The following USP13 variants were observed in gnomAD, a reference collection of about 807,000 sequenced individuals.
USP13 encodes ubiquitin specific peptidase 13.
Under a neutral mutation model 107.8 loss-of-function variants are expected in USP13, and 68 were observed. The observed-to-expected ratio is 0.63, with a 90% CI of 0.52 to 0.77. The LOEUF (loss-of-function observed/expected upper bound fraction) is 0.77, where lower values mean the gene tolerates loss of function less well. Among genes scored for constraint, USP13 ranks in the 30% least tolerant of loss-of-function variants. The pLI, the probability that USP13 is intolerant of heterozygous loss-of-function variation, is 0.00. For synonymous variants in USP13, 377 were observed against 389.5 expected, an observed-to-expected ratio of 0.97 and a Z score of 0.38; for missense variants, 945 against 1,093.3, an observed-to-expected ratio of 0.86 and a Z score of 1.91.
At chr3:179,655,557 G>GTTTGTTTTTTTTTTTTTT (rs1560036520) in intron 1 of USP13, among the ~76,000 whole-genome samples, 2 of 80,678 alleles carry the variant, frequency 2.5e-5, no homozygotes, top group Non-Finnish European at 3.5e-5. Context: ...GGTTTTTTTT[G>GTTTGTTTTTTTTTTTTTT]TTTTGTTTTG....
chr3:179,766,513 T>G (rs1560080142), intron 19 of USP13, among the ~76,000 whole-genome samples: 1 of 152,190 alleles, frequency 6.6e-6, no homozygotes, highest in Admixed American at 6.5e-5. Context: ...AGTGGTCTCA[T>G]CCTTGATCAT....
At chr3:179,687,539 G>C (rs1711912791) in intron 2 of USP13, among the ~76,000 whole-genome samples, 1 of 151,268 alleles carries the variant, frequency 6.6e-6, no homozygotes, top group Non-Finnish European at 1.5e-5. Flanking sequence ...CATGCCTGTA[G>C]TCCCAGCTAC....
intron 17 of USP13, among the ~76,000 whole-genome samples, chr3:179,761,748 C>T (rs1411218975): frequency 6.6e-6 from 1 of 151,298 alleles, no homozygotes; most frequent in Non-Finnish European, 1.5e-5. Flanking sequence ...AAAAAAACAA[C>T]AAAAAAAACC....
Position 179,721,536 on chromosome 3 carries a change from C to CT in USP13, c.1036dup (p.Tyr346LeufsTer28). The CT allele has an allele frequency of 6.2e-7, 1 of 1,614,086 alleles. No individual in the cohort carries two copies. The highest frequency in any genetic ancestry group is 8.5e-7 in the Non-Finnish European group (1 of 1,180,028). ...GTCTGAAGAACCTGGGCAACAGCTG[C>CT]TATCTCAGCTCTGTCATGCAGGCCA... On this transcript the variant is annotated frameshift_variant, in exon 8 of 21. Coordinates refer to ENST00000263966, the MANE Select transcript of USP13 (RefSeq NM_003940.3). LOFTEE classifies it high-confidence loss of function. The surrounding 1 kb of genome is among the most constrained non-coding windows in gnomAD (Gnocchi z 4.3).
chr3:179,705,746 G>A (rs1294998622), intron 4 of USP13, among the ~76,000 whole-genome samples: 1 of 151,772 alleles, frequency 6.6e-6, no homozygotes, highest in East Asian at 1.9e-4. Flanking sequence ...TTTTGAGACA[G>A]GGTTTCTCTC....
rs1711916312 is a variant in USP13, at chr3:179,687,605, G to A, written c.295-2636G>A. 3.8e-5 allele frequency among the ~76,000 whole-genome samples: 5 copies of A among 130,918 alleles called. No homozygotes were observed. In the Admixed American group the frequency reaches 4.7e-4, roughly 12 times the overall value. The allele number at this position is 130,918 out of a possible 152,430, so 85.9% of individuals were successfully genotyped here. ...ACCTGGGAGGCTGAAGTTGCGGTAA[G>A]CCAAGATCATGCCATTGCACTCCAG... On this transcript the variant is annotated intron_variant, in intron 2 of 20. Coordinates refer to ENST00000263966, the MANE Select transcript of USP13 (RefSeq NM_003940.3).
At chr3:179,755,507 C>T (rs570136155) in intron 15 of USP13, among the ~76,000 whole-genome samples, 5 of 152,188 alleles carry the variant, frequency 3.3e-5, no homozygotes, top group South Asian at 2.1e-4. Flanking sequence ...ACCTTGTGAG[C>T]GAGGATGGTC....
chr3:179,758,570 C>T, intron 16 of USP13, among the ~76,000 whole-genome samples: 1 of 151,560 alleles, frequency 6.6e-6, no homozygotes, highest in Non-Finnish European at 1.5e-5. Context: ...GCGATCTCGG[C>T]TCACTGCAAG....
chr3:179,756,973 TG>T (rs1714827757), intron 15 of USP13, 78 bp from the exon 16 acceptor site: 2 of 1,521,142 alleles, frequency 1.3e-6, no homozygotes, highest in Non-Finnish European at 1.8e-6. Flanking sequence ...GGAAATGCCC[TG>T]GATCAATGGG....
chr3:179,655,456 A>T (rs551742958), intron 1 of USP13, among the ~76,000 whole-genome samples: 9 of 152,118 alleles, frequency 5.9e-5, no homozygotes, highest in African/African-American at 1.9e-4. Flanking sequence ...TACAAGGCTG[A>T]TGAATCAGTA....
intron 1 of USP13, among the ~76,000 whole-genome samples, chr3:179,669,691 A>G (rs1007024415): frequency 1.3e-5 from 2 of 152,188 alleles, no homozygotes; most frequent in Non-Finnish European, 2.9e-5. Flanking sequence ...GCTGTTGAGC[A>G]CTTGAAATGT....
intron 10 of USP13, among the ~76,000 whole-genome samples, chr3:179,738,579 A>G (rs1217008851): frequency 2.0e-5 from 3 of 152,214 alleles, no homozygotes; most frequent in African/African-American, 4.8e-5. Context: ...AGGTATCACC[A>G]TTAGTAGATG....
intron 10 of USP13, among the ~76,000 whole-genome samples, chr3:179,732,908 C>G (rs369661832): frequency 1.3e-5 from 2 of 152,310 alleles, no homozygotes; most frequent in African/African-American, 4.8e-5. Flanking sequence ...AGCCACTGCT[C>G]TGGATCAAGG....
chr3:179,677,215 A>G (rs1030887834), intron 1 of USP13, among the ~76,000 whole-genome samples: 6 of 151,998 alleles, frequency 3.9e-5, no homozygotes, highest in African/African-American at 1.5e-4. Flanking sequence ...CTGAGTGTCA[A>G]ATAATTTTTC....
At chr3:179,749,203 CTTAA>C (rs1714512532) in intron 13 of USP13, among the ~76,000 whole-genome samples, 1 of 151,936 alleles carries the variant, frequency 6.6e-6, no homozygotes, top group African/African-American at 2.4e-5. Context: ...GTATTTTTGC[CTTAA>C]TTGTGATTTA....
intron 19 of USP13, among the ~76,000 whole-genome samples, chr3:179,779,707 G>T (rs758022097): frequency 7.2e-6 from 1 of 139,204 alleles, no homozygotes; most frequent in Admixed American, 7.4e-5. Flanking sequence ...AGCCTTTGAC[G>T]CAAGGGTTTG....
At chr3:179,739,206 G>A (rs1483173577) in intron 10 of USP13, among the ~76,000 whole-genome samples, 4 of 152,226 alleles carry the variant, frequency 2.6e-5, no homozygotes, top group Non-Finnish European at 5.9e-5. Flanking sequence ...GTAGGGTCCT[G>A]CATGGGGCAT....
intron 1 of USP13, among the ~76,000 whole-genome samples, chr3:179,660,440 A>G (rs142856406): frequency 6.6e-6 from 1 of 152,360 alleles, no homozygotes; most frequent in Non-Finnish European, 1.5e-5. Context: ...TCAGTGTTGT[A>G]GCATGCATCA....
chr3:179,709,752 C>A (rs1290076760), intron 6 of USP13, among the ~76,000 whole-genome samples: 1 of 152,186 alleles, frequency 6.6e-6, no homozygotes, highest in African/African-American at 2.4e-5. Flanking sequence ...TGGACTGATA[C>A]CCAGCTGGTC....
Sources: gnomAD v4.1 joint callset for allele counts (sites outside exome capture counted in the v4.1 genomes callset) on GRCh38, gnomAD v4.1.1 for gene constraint, Gnocchi (gnomAD v3.1) non-coding constraint, MANE v1.5 for transcripts, NCBI Gene and HGNC (gene_info 2026-07-23, HGNC 2026-07-21) for gene names.